CORO2B: variants seen among roughly 807,000 people sequenced by gnomAD.
CORO2B encodes coronin-2B.
Under a neutral mutation model 58.8 loss-of-function variants are expected in CORO2B, and 26 were observed. The observed-to-expected ratio is 0.44, with a 90% confidence interval of 0.32 to 0.61. The LOEUF is 0.61. Among genes scored for constraint, CORO2B ranks in the 20% least tolerant of loss-of-function variants. CORO2B has a pLI of 0.04. For missense variants in CORO2B, 460 were observed against 645.1 expected (o/e 0.71, Z 3.11); for synonymous variants, 242 against 253.8 (o/e 0.95, Z 0.44).
At chr15:68,598,651 T>C (rs1484346860) in intron 1 of CORO2B, among the ~76,000 whole-genome samples, 2 of 152,178 alleles carry the variant, frequency 1.3e-5, no homozygotes, top group South Asian at 4.1e-4. Context: ...AGCAGCGTAC[T>C]CTCCCCAGCT....
chr15:68,669,608 C>T lies in CORO2B; in HGVS notation c.216+24248C>T, dbSNP rs1205394836. Among the ~76,000 whole-genome samples the T allele has an allele frequency of 2.0e-5, 3 of 152,126 alleles. No individual in the cohort carries two copies. In the East Asian group the frequency reaches 5.8e-4, roughly 29 times the overall value. The stretch of plus-strand genomic sequence containing the variant: ...CTTTCGTTGAGCTCAATGGGCAATG[C>T]TGGCTCTGAGTTAGCTGTGAGTTTC... On this transcript the variant is annotated intron_variant, in intron 2 of 11. Coordinates refer to ENST00000261861, the MANE Select transcript of CORO2B (RefSeq NM_006091.5).
the CORO2B span, among the ~76,000 whole-genome samples, chr15:68,530,992 A>T: frequency 6.6e-6 from 1 of 152,066 alleles, no homozygotes; most frequent in East Asian, 1.9e-4. Context: ...CTTTTTGCTC[A>T]TTCTTTTTTG....
At position 68,634,974 on chromosome 15, in the gene CORO2B, T is replaced by C. The variant is rs1452571166; in HGVS notation, c.16-10186T>C. 2.0e-5 allele frequency among the ~76,000 whole-genome samples: 3 copies of C among 152,188 alleles called. No individual in the cohort carries two copies. In the East Asian group the frequency reaches 5.8e-4, roughly 29 times the overall value. ...AAGCACCTGGTGGGCTTGGTTAAAA[T>C]GCACATTTCCTAGCTCATTCCCACA... On this transcript the variant is annotated intron_variant, in intron 1 of 11. Coordinates refer to ENST00000261861, the MANE Select transcript of CORO2B (RefSeq NM_006091.5).
At chr15:68,566,727 T>C in the CORO2B span, among the ~76,000 whole-genome samples, 1 of 152,148 alleles carries the variant, frequency 6.6e-6, no homozygotes, top group Non-Finnish European at 1.5e-5. Context: ...CAAAAAGTCA[T>C]CCTGGATGGG....
chr15:68,615,500 A>T (rs1900332613), intron 1 of CORO2B, among the ~76,000 whole-genome samples: 1 of 152,188 alleles, frequency 6.6e-6, no homozygotes, highest in Admixed American at 6.5e-5. Context: ...TGAGAAGCAG[A>T]AGTGCTATGG....
Position 68,645,445 on chromosome 15 carries a change from C to T in CORO2B, c.216+85C>T. The T allele has an allele frequency of 1.5e-6, 2 of 1,316,932 alleles. No homozygotes were observed. The highest frequency in any genetic ancestry group is 1.5e-5 in the African/African-American group (1 of 68,140). The allele number at this position is 1,316,932 out of a possible 1,614,324, so 81.6% of individuals were successfully genotyped here. ...GTCTCTCTTAGGCCTGTTGACCCTA[C>T]TTCTCTCTGAGTTCCCACCTTTTAC... On this transcript the variant is annotated intron_variant, in intron 2 of 11. Transcript: ENST00000261861. The surrounding 1 kb of genome is among the most constrained non-coding windows in gnomAD (Gnocchi z 4.5).
At position 68,711,546 on chromosome 15, in the gene CORO2B, T is replaced by A; in HGVS notation, c.488T>A (p.Leu163His). Residue 163 changes from leucine (L) to histidine (H), a missense_variant, in exon 5 of 12, where the codon CTC becomes CAC. By Grantham distance (99) the Leu-to-His change is moderately conservative (BLOSUM62 -3). Around this residue, in one of 2 missense-constraint regions of CORO2B, gnomAD observed 352 missense variants for 543.0 expected, o/e 0.65. Transcript: ENST00000261861. ...LFSAGYDYKV[L>H]IWNLDVGEPV... ...CCCATGCATCTGCCCTCGCAGGTCC[T>A]CATCTGGAACCTGGATGTGGGTGAG... 3.1e-6 allele frequency: 5 copies of A among 1,610,918 alleles called. No homozygotes were observed. Among genetic ancestry groups the A allele is most frequent in the Non-Finnish European group, 4.2e-6 (5 of 1,177,916 alleles).
intron 1 of CORO2B, among the ~76,000 whole-genome samples, chr15:68,588,111 A>G (rs984586927): frequency 3.9e-5 from 6 of 152,198 alleles, no homozygotes; most frequent in Non-Finnish European, 8.8e-5. Context: ...ATGGCAGGAA[A>G]TGGTTTATTG....
the CORO2B span, among the ~76,000 whole-genome samples, chr15:68,545,210 A>G: frequency 2.0e-5 from 3 of 152,252 alleles, no homozygotes; most frequent in East Asian, 5.8e-4. Context: ...TTCCCTCCTC[A>G]GAAAACCTTG....
intron 1 of CORO2B, among the ~76,000 whole-genome samples, chr15:68,597,624 C>CA (rs1296696525): frequency 1.7e-4 from 24 of 140,076 alleles, no homozygotes; most frequent in African/African-American, 6.6e-4. Flanking sequence ...GTTTCCCCCC[C>CA]ATCAAAAAAA....
chr15:68,625,785 T>A (rs1770248955), intron 1 of CORO2B, among the ~76,000 whole-genome samples: 1 of 151,218 alleles, frequency 6.6e-6, no homozygotes, highest in South Asian at 2.1e-4. Flanking sequence ...TTGTATTTTT[T>A]GTAGAGACGG....
At chr15:68,633,997 G>A (rs780910830) in intron 1 of CORO2B, among the ~76,000 whole-genome samples, 53 of 152,358 alleles carry the variant, frequency 3.5e-4, no homozygotes, top group Middle Eastern at 3.4e-3. Flanking sequence ...CCTGAGAGTC[G>A]GTCAGGGCAT....
chr15:68,726,159 G>T lies in CORO2B; in HGVS notation c.*185G>T. On this transcript the variant is annotated 3_prime_UTR_variant, in exon 12 of 12. Transcript: ENST00000261861. The stretch of plus-strand genomic sequence containing the variant: ...ACCTCCTGACCTCATGCTAATAAAA[G>T]TCCCCAGCTTCTGGAGACCCCCTGC... The T allele has an allele frequency of 1.4e-6, 1 of 714,798 alleles. No homozygotes were observed. Among genetic ancestry groups the T allele is most frequent in the Non-Finnish European group, 2.2e-6 (1 of 451,882 alleles). The allele number at this position is 714,798 out of a possible 1,614,324, so 44.3% of individuals were successfully genotyped here. A position where few individuals can be genotyped will look rare whatever the true frequency, so the allele number is the denominator to read the frequency against.
chr15:68,586,025 A>G (rs1899547962), intron 1 of CORO2B, among the ~76,000 whole-genome samples: 1 of 152,114 alleles, frequency 6.6e-6, no homozygotes, highest in Non-Finnish European at 1.5e-5. Flanking sequence ...TTAGCCCCTG[A>G]TGATTTGGGG....
chr15:68,628,749 G>A (rs1304706891), intron 1 of CORO2B, among the ~76,000 whole-genome samples: 1 of 152,188 alleles, frequency 6.6e-6, no homozygotes, highest in South Asian at 2.1e-4. Flanking sequence ...ATAGAGAAAG[G>A]CCTTTTCCCA....
chr15:68,653,360 C>T (rs1028904513), intron 2 of CORO2B, among the ~76,000 whole-genome samples: 5 of 152,148 alleles, frequency 3.3e-5, no homozygotes, highest in African/African-American at 4.8e-5. Context: ...GAGCCCCCAA[C>T]GGTGGGAAAC....
intron 1 of CORO2B, among the ~76,000 whole-genome samples, chr15:68,621,214 T>C (rs139108505): frequency 2.6e-5 from 4 of 152,280 alleles, no homozygotes; most frequent in Non-Finnish European, 5.9e-5. Flanking sequence ...TGCCAGGACC[T>C]GTGCTCATGG....
At chr15:68,621,120 A>T (rs1302475882) in intron 1 of CORO2B, among the ~76,000 whole-genome samples, 2 of 152,086 alleles carry the variant, frequency 1.3e-5, no homozygotes, top group Non-Finnish European at 2.9e-5. Context: ...ACCACCATAA[A>T]CCCTGCCAGT....
chr15:68,667,729 G>A (rs1013597577), intron 2 of CORO2B, among the ~76,000 whole-genome samples: 1 of 152,242 alleles, frequency 6.6e-6, no homozygotes, highest in Non-Finnish European at 1.5e-5. Flanking sequence ...GTGCACTGAA[G>A]ATGGGCGGGG....
Sources: allele counts gnomAD v4.1 joint callset (sites outside exome capture counted in the v4.1 genomes callset), GRCh38; gene constraint gnomAD v4.1.1; regional missense constraint gnomAD v4.1.1; non-coding constraint Gnocchi (gnomAD v3.1); transcripts MANE v1.5; gene names NCBI Gene and HGNC (gene_info 2026-07-23, HGNC 2026-07-21).